The following IFT172 variants were observed in gnomAD, a reference collection of about 807,000 sequenced individuals.
The protein encoded by IFT172 is intraflagellar transport protein 172 homolog.
Under a neutral mutation model 248.9 loss-of-function variants are expected in IFT172, and 164 were observed. The observed-to-expected ratio is 0.66, with a 90% CI of 0.58 to 0.75. The LOEUF is 0.75. Among genes scored for constraint, IFT172 ranks in the 30% least tolerant of loss-of-function variants. The probability of loss-of-function intolerance (pLI) is 0.00; values close to 1 mark genes in which losing one functional copy is unlikely to be tolerated. For synonymous variants in IFT172, 729 were observed against 791.6 expected, an observed-to-expected ratio of 0.92 and a Z score of 1.33; for missense variants, 1,950 against 2,192.4, an observed-to-expected ratio of 0.89 and a Z score of 2.21.
chr2:27,461,939 A>G, intron 20 of IFT172, 103 bp from the exon 21 acceptor site: 3 of 1,232,132 alleles, frequency 2.4e-6, no homozygotes, highest in Non-Finnish European at 3.5e-6. Flanking sequence ...CATGAGGACC[A>G]AAAGCCTTTT....
intron 47 of IFT172, 58 bp downstream of exon 47, chr2:27,444,956 T>C: frequency 6.3e-7 from 1 of 1,576,228 alleles, no homozygotes; most frequent in East Asian, 2.2e-5. Context: ...GACTTGTTTT[T>C]TTTTCTTTTT....
intron 5 of IFT172, 24 bp from the exon 6 acceptor site, chr2:27,483,683 A>G: frequency 6.2e-7 from 1 of 1,610,500 alleles, no homozygotes; most frequent in Non-Finnish European, 8.5e-7. Context: ...AATTGATACA[A>G]GTATGGTTAG....
chr2:27,464,093 T>A (rs1666896150), intron 18 of IFT172, among the ~76,000 whole-genome samples: 1 of 152,212 alleles, frequency 6.6e-6, no homozygotes, highest in South Asian at 2.1e-4. Context: ...ATTAAGAGGC[T>A]GTGCAATATT....
rs1447576797 is a variant in IFT172, at chr2:27,454,948, G to C, written c.3372-288C>G. Among the ~76,000 whole-genome samples, 1 of 152,172 alleles carries C rather than the reference G, an allele frequency of 6.6e-6. No individual in the cohort carries two copies. The highest frequency in any genetic ancestry group is 2.4e-5 in the African/African-American group (1 of 41,454). ...TAGTTTGGGCCTGCGAAGGGGAAGG[G>C]AGGAGTGAGCCTCGCAGCCCTACAC... On this transcript the variant is annotated intron_variant, in intron 30 of 47. Coordinates refer to ENST00000260570, the MANE Select transcript of IFT172 (RefSeq NM_015662.3). This position sits in a 1 kb window ranked among gnomAD's most constrained non-coding sequence, Gnocchi z 4.2.
chr2:27,475,031 G>T (rs1366458675), intron 14 of IFT172, among the ~76,000 whole-genome samples: 1 of 152,126 alleles, frequency 6.6e-6, no homozygotes, highest in South Asian at 2.1e-4. Context: ...TCAAATCAAT[G>T]AGGAAGAGAC....
At chr2:27,459,110 T>C (rs571706212) in intron 25 of IFT172, 1 of 617,126 alleles carries the variant, frequency 1.6e-6, no homozygotes, top group South Asian at 2.2e-5. Flanking sequence ...TTTTATATCA[T>C]AACTATGTTA....
chr2:27,453,541 G>A (rs1665892869), intron 34 of IFT172, 28 bp from the exon 35 acceptor site: 1 of 1,612,052 alleles, frequency 6.2e-7, no homozygotes, highest in Admixed American at 1.7e-5. Context: ...CTGGGACTTG[G>A]CATGGTAGGG....
At chr2:27,457,604 T>G in intron 29 of IFT172, 35 bp downstream of exon 29, 1 of 1,548,204 alleles carries the variant, frequency 6.5e-7, no homozygotes, top group Non-Finnish European at 8.9e-7. Context: ...GAAAGAAGGA[T>G]GGATGTATCC....
chr2:27,485,114 T>G lies in IFT172; in HGVS notation c.200A>C (p.Tyr67Ser), dbSNP rs1450739446. ...AGAAAAAGCCATGCCCTTCACCATA[T>G]AGCTCTTCCTGCCATACTAAGAGTT... The part of the protein sequence containing the change: ...PADMKYGRKS[Y>S]MVKGMAFSPD... The change falls in exon 3 of 48, where the codon TAT (tyrosine) becomes TCT (serine). Residue 67 changes from tyrosine to serine, a missense_variant. Transcript: ENST00000260570. The G allele has an allele frequency of 4.4e-6, 7 of 1,601,828 alleles. No homozygotes were observed. Among genetic ancestry groups the G allele is most frequent in the Non-Finnish European group, 6.0e-6 (7 of 1,171,274 alleles).
At chr2:27,455,305 G>A (rs1485769459) in intron 30 of IFT172, 7 of 329,440 alleles carry the variant, frequency 2.1e-5, no homozygotes. Flanking sequence ...TGGCGATTTT[G>A]AAATAATTGA....
Position 27,459,380 on chromosome 2 carries a change from C to T in IFT172, c.2785G>A (p.Glu929Lys). The T allele has an allele frequency of 1.2e-6, 2 of 1,614,152 alleles. No individual in the cohort carries two copies. Among genetic ancestry groups the T allele is most frequent in the Non-Finnish European group, 1.7e-6 (2 of 1,180,018 alleles). ...TGCGGAAAGGGACTCTTCCTCACCT[C>T]ATACTCCTGCAGGGATGCATAGTGT... Reference protein sequence around the residue: ...AQHYASLQEYEIAEELYTKGD... With the variant: ...AQHYASLQEYKIAEELYTKGD... The change falls in exon 25 of 48, where the codon GAG (glutamate) becomes AAG (lysine). Residue 929 changes from glutamate to lysine, a missense_variant and splice_region_variant. By Grantham distance (56) the Glu-to-Lys change is moderately conservative. Transcript: ENST00000260570.
chr2:27,458,646 G>T, intron 26 of IFT172, 133 bp downstream of exon 26: 1 of 941,592 alleles, frequency 1.1e-6, no homozygotes, highest in Non-Finnish European at 1.6e-6. Context: ...GGATCAAAGT[G>T]GCTCAGACTG....
Position 27,453,486 on chromosome 2 carries a change from A to G in IFT172, c.3849T>C (p.Ala1283=). The part of the protein sequence containing the change: ...ARGVEGFVEQ[A]RHWEQAGEYS... ...ACTCTCCAGCCTGCTCCCAGTGTCG[A>G]GCTTGTTCCACAAATCCCTCCACAC... The change falls in exon 35 of 48, where the codon GCT becomes GCC. Residue 1283 remains alanine (A), a synonymous_variant. Coordinates refer to ENST00000260570, the MANE Select transcript of IFT172 (RefSeq NM_015662.3). 6.2e-7 allele frequency: 1 copy of G among 1,614,132 alleles called. No homozygotes were observed. Among genetic ancestry groups the G allele is most frequent in the Non-Finnish European group, 8.5e-7 (1 of 1,180,006 alleles).
At position 27,483,606 on chromosome 2, in the gene IFT172, C is replaced by T. The variant is rs771141815; in HGVS notation, c.456G>A (p.Glu152=). The change falls in exon 6 of 48, where the codon GAG becomes GAA. Residue 152 remains glutamate, a synonymous_variant. Transcript: ENST00000260570. ...TNKSSTIYGT[E]SYVVSLTTNC... is the part of the protein sequence containing the mutation. Reference sequence around the variant, plus strand: ...TTGTTGTCAGGGACACCACGTAAGACTCTGTCCCATAGATGGTAGATGATT... The same window carrying T: ...TTGTTGTCAGGGACACCACGTAAGATTCTGTCCCATAGATGGTAGATGATT... 55 of 1,614,044 alleles carry T rather than the reference C, an allele frequency of 3.4e-5. No individual in the cohort carries two copies. The highest frequency in any genetic ancestry group is 3.3e-4 in the Middle Eastern group (2 of 6,084).
At position 27,463,889 on chromosome 2, in the gene IFT172, T is replaced by G. The variant is rs528925146; in HGVS notation, c.1938-708A>C. Among the ~76,000 whole-genome samples the G allele has an allele frequency of 6.6e-5, 10 of 152,164 alleles. No individual in the cohort carries two copies. The East Asian group carries it at 1.7e-3, about 26-fold the overall frequency. ...CTAATGGGCAAGCAGGAAGCTGGCA[T>G]GAGAAGGAAGCAGAGGCCAAAAAAC... On this transcript the variant is annotated intron_variant, in intron 18 of 47. Coordinates refer to ENST00000260570, the MANE Select transcript of IFT172 (RefSeq NM_015662.3).
intron 35 of IFT172, 139 bp downstream of exon 35, chr2:27,453,245 G>A: frequency 8.8e-7 from 1 of 1,133,728 alleles, no homozygotes; most frequent in Non-Finnish European, 1.3e-6. Flanking sequence ...CTATCATCCA[G>A]CAGGCACTCC....
At chr2:27,464,912 C>A (rs1371343047) in intron 18 of IFT172, among the ~76,000 whole-genome samples, 4 of 146,360 alleles carry the variant, frequency 2.7e-5, no homozygotes, top group Non-Finnish European at 5.9e-5. Flanking sequence ...GCCGCCGTGC[C>A]CAGCCAAGAC....
intron 29 of IFT172, 45 bp downstream of exon 29, chr2:27,457,594 G>T (rs1458975845): frequency 2.0e-6 from 3 of 1,530,860 alleles, no homozygotes; most frequent in East Asian, 2.3e-5. Context: ...AAAAACGTGG[G>T]AAAGAAGGAT....
At chr2:27,471,273 T>A in intron 15 of IFT172, 178 bp from the exon 16 acceptor site, 1 of 548,984 alleles carries the variant, frequency 1.8e-6, no homozygotes. Context: ...TCTGGTCAAG[T>A]AAGAGATGAC....
Sources: gnomAD v4.1 joint callset for allele counts (sites outside exome capture counted in the v4.1 genomes callset) on GRCh38, gnomAD v4.1.1 for gene constraint, Gnocchi (gnomAD v3.1) non-coding constraint, MANE v1.5 for transcripts, NCBI Gene and HGNC (gene_info 2026-07-23, HGNC 2026-07-21) for gene names.